SPHKAP: variants seen among roughly 807,000 people sequenced by gnomAD.
The protein encoded by SPHKAP is A-kinase anchor protein SPHKAP.
Under a neutral mutation model 137.5 loss-of-function variants are expected in SPHKAP, and 67 were observed. That is an observed-to-expected ratio of 0.49 (90% CI 0.40 to 0.60). The LOEUF is 0.60. SPHKAP is among the 20% of genes least tolerant of loss of function. SPHKAP has a pLI of 0.00. For synonymous variants in SPHKAP, 813 were observed against 785.3 expected (o/e 1.04, Z -0.59); for missense variants, 2,097 against 2,069.3 (o/e 1.01, Z -0.26).
At chr2:228,054,177 A>T (rs1274364095) in intron 3 of SPHKAP, among the ~76,000 whole-genome samples, 1 of 152,214 alleles carries the variant, frequency 6.6e-6, no homozygotes, top group African/African-American at 2.4e-5. Flanking sequence ...CCTTTCAGAG[A>T]CAACGTGGAG....
intron 3 of SPHKAP, among the ~76,000 whole-genome samples, chr2:228,046,331 C>T (rs1438904450): frequency 2.5e-5 from 2 of 80,736 alleles, no homozygotes; most frequent in East Asian, 4.1e-4. Flanking sequence ...TTGGTAAAAA[C>T]GATGTATATC....
intron 3 of SPHKAP, among the ~76,000 whole-genome samples, chr2:228,033,001 A>G (rs186602709): frequency 1.3e-5 from 2 of 152,336 alleles, no homozygotes; most frequent in Non-Finnish European, 2.9e-5. Flanking sequence ...TAACATCATG[A>G]TGACAGGACC....
chr2:228,103,890 A>G (rs12464095), intron 3 of SPHKAP, among the ~76,000 whole-genome samples: 38,879 of 152,010 alleles, frequency 0.26, 5,190 homozygotes, highest in Admixed American at 0.36. Context: ...GTGTGTAGAA[A>G]TTAAGGAGAA....
At chr2:228,092,940 T>A (rs1301891642) in intron 3 of SPHKAP, among the ~76,000 whole-genome samples, 1 of 152,050 alleles carries the variant, frequency 6.6e-6, no homozygotes, top group Non-Finnish European at 1.5e-5. Context: ...GATAAGAGAC[T>A]ACAAACTGGG....
At chr2:228,151,322 C>G (rs1327230199) in intron 1 of SPHKAP, among the ~76,000 whole-genome samples, 1 of 151,514 alleles carries the variant, frequency 6.6e-6, no homozygotes, top group African/African-American at 2.4e-5. Flanking sequence ...TTTTCTTAAT[C>G]CAGTCTATCA....
intron 2 of SPHKAP, among the ~76,000 whole-genome samples, chr2:228,113,883 G>C (rs1199478625): frequency 2.0e-5 from 3 of 151,996 alleles, no homozygotes; most frequent in Non-Finnish European, 4.4e-5. Flanking sequence ...AAGTAAAAGA[G>C]AATAAAAATG....
At chr2:228,030,243 C>T (rs1313670083) in intron 3 of SPHKAP, among the ~76,000 whole-genome samples, 4 of 152,110 alleles carry the variant, frequency 2.6e-5, no homozygotes, top group Admixed American at 2.0e-4. Context: ...CGGCCGCGTA[C>T]GGTGGCTCAC....
chr2:228,169,392 C>A (rs10173045), intron 1 of SPHKAP, among the ~76,000 whole-genome samples: 4 of 151,926 alleles, frequency 2.6e-5, no homozygotes, highest in Admixed American at 6.6e-5. Context: ...GTGACTTTAA[C>A]TGGAAGCTAA....
chr2:228,000,640 A>T (rs1188067159), intron 7 of SPHKAP, among the ~76,000 whole-genome samples: 1 of 144,644 alleles, frequency 6.9e-6, no homozygotes, highest in Non-Finnish European at 1.5e-5. Flanking sequence ...AATAAAAATA[A>T]AATAAAATAA....
chr2:228,019,998 A>G lies in SPHKAP; in HGVS notation c.856T>C (p.Ser286Pro). ...YPTPLIKTER[S>P]PENLTKNTAL... ...GTGTTCTTTGTTAGGTTTTCTGGAGATCGTTCTGTTTTAATCAATGGTGTG... is the reference window on the plus strand; with the variant it reads ...GTGTTCTTTGTTAGGTTTTCTGGAGGTCGTTCTGTTTTAATCAATGGTGTG... The change falls in exon 7 of 12, where the codon TCT (serine) becomes CCT (proline). Residue 286 changes from serine (S) to proline (P), a missense_variant. Ser to Pro is a moderately conservative substitution (Grantham distance 74). Coordinates refer to ENST00000392056, the MANE Select transcript of SPHKAP (RefSeq NM_001142644.2). The G allele has an allele frequency of 2.5e-6, 4 of 1,614,056 alleles. No individual in the cohort carries two copies. The South Asian group carries it at 4.4e-5, about 18-fold the overall frequency.
intron 5 of SPHKAP, among the ~76,000 whole-genome samples, chr2:228,023,795 C>T (rs746958021): frequency 4.5e-4 from 69 of 152,188 alleles, no homozygotes; most frequent in Non-Finnish European, 9.4e-4. Flanking sequence ...GGAGTTGATT[C>T]ACTTCCAGCG....
At position 228,132,863 on chromosome 2, in the gene SPHKAP, G is replaced by A. The variant is rs138152379; in HGVS notation, c.33-778C>T. The stretch of plus-strand genomic sequence containing the variant: ...AAATACAAAAAAAAAAATAAGCCAG[G>A]TGTGGTGGCATGTGCCTGTAATCCC... On this transcript the variant is annotated intron_variant, in intron 1 of 11. Transcript: ENST00000392056. Among the ~76,000 whole-genome samples the A allele has an allele frequency of 6.9e-3, 752 of 109,702 alleles. 10 individuals are homozygous for A. Among genetic ancestry groups the A allele is most frequent in the African/African-American group, 0.02 (654 of 32,186 alleles). 72.0% of individuals were successfully genotyped at this position (109,702 alleles called of 152,430 possible). A position where few individuals can be genotyped will look rare whatever the true frequency, so the allele number is the denominator to read the frequency against.
At chr2:228,128,473 G>A (rs907348607) in intron 2 of SPHKAP, among the ~76,000 whole-genome samples, 2 of 152,004 alleles carry the variant, frequency 1.3e-5, no homozygotes, top group Non-Finnish European at 2.9e-5. Flanking sequence ...AGTCATTCAT[G>A]AGAGTTGGAA....
intron 2 of SPHKAP, among the ~76,000 whole-genome samples, chr2:228,117,584 T>C (rs1559182566): frequency 6.6e-6 from 1 of 152,172 alleles, no homozygotes; most frequent in Non-Finnish European, 1.5e-5. Context: ...CCTATTTGCT[T>C]GGCAAGATAA....
chr2:228,115,144 G>C (rs534707558), intron 2 of SPHKAP, among the ~76,000 whole-genome samples: 1 of 152,052 alleles, frequency 6.6e-6, no homozygotes, highest in Non-Finnish European at 1.5e-5. Flanking sequence ...CAGTGTGTTG[G>C]TGTTTCTACT....
chr2:228,067,457 T>A (rs1279052210), intron 3 of SPHKAP, among the ~76,000 whole-genome samples: 1 of 152,224 alleles, frequency 6.6e-6, no homozygotes, highest in East Asian at 1.9e-4. Context: ...TATGCTCTAT[T>A]ATGATCATCT....
chr2:228,025,373 T>G lies in SPHKAP; in HGVS notation c.441+21A>C, dbSNP rs767532362. ...TAACTATAGATGTAAGTAAATGGCT[T>G]ATCAAGAACTTATGTCTTACCTGTG... On this transcript the variant is annotated intron_variant, in intron 5 of 11. Transcript: ENST00000392056. 2.5e-6 allele frequency: 4 copies of G among 1,612,872 alleles called. No individual in the cohort carries two copies. In the African/African-American group the frequency reaches 5.3e-5, roughly 22 times the overall value.
At chr2:228,054,652 C>CTT (rs1320053881) in intron 3 of SPHKAP, among the ~76,000 whole-genome samples, 2 of 152,078 alleles carry the variant, frequency 1.3e-5, no homozygotes, top group African/African-American at 4.8e-5. Flanking sequence ...AAAAGTGGGA[C>CTT]TTGGGCATGA....
intron 3 of SPHKAP, among the ~76,000 whole-genome samples, chr2:228,095,609 A>C (rs922024178): frequency 6.6e-6 from 1 of 152,182 alleles, no homozygotes; most frequent in African/African-American, 2.4e-5. Context: ...AATGGTAAGA[A>C]ACGTGAGCTA....
Sources: allele counts gnomAD v4.1 joint callset (sites outside exome capture counted in the v4.1 genomes callset), GRCh38; gene constraint gnomAD v4.1.1; transcripts MANE v1.5; gene names NCBI Gene and HGNC (gene_info 2026-07-23, HGNC 2026-07-21).